MYH10: variants seen among roughly 807,000 people sequenced by gnomAD.
MYH10 encodes the protein myosin heavy chain 10.
Under a neutral mutation model 257.8 loss-of-function variants are expected in MYH10, and 55 were observed. That is an observed-to-expected ratio of 0.21 (90% CI 0.17 to 0.27). The LOEUF is 0.27. MYH10 is among the 10% of genes least tolerant of loss of function. The probability of loss-of-function intolerance (pLI) is 1.00; values close to 1 mark genes in which losing one functional copy is unlikely to be tolerated. For synonymous variants in MYH10, 854 were observed against 921.7 expected, an observed-to-expected ratio of 0.93 and a Z score of 1.33; for missense variants, 1,631 against 2,500.6, an observed-to-expected ratio of 0.65 and a Z score of 7.42.
At chr17:8,479,993 G>C in intron 40 of MYH10, 117 bp downstream of exon 40, 1 of 949,924 alleles carries the variant, frequency 1.1e-6, no homozygotes, top group Non-Finnish European at 1.6e-6. Flanking sequence ...GTCCCACTCT[G>C]GTTATATGTG....
At chr17:8,608,755 C>G (rs940430128) in intron 2 of MYH10, among the ~76,000 whole-genome samples, 1 of 152,214 alleles carries the variant, frequency 6.6e-6, no homozygotes, top group Non-Finnish European at 1.5e-5. Context: ...CAGGCTCCCA[C>G]CTATGCTGAC....
At position 8,513,607 on chromosome 17, in the gene MYH10, C is replaced by T. The variant is rs2081368127; in HGVS notation, c.2676G>A (p.Leu892=). The T allele has an allele frequency of 1.2e-6, 2 of 1,614,188 alleles. No homozygotes were observed. Among genetic ancestry groups the T allele is most frequent in the African/African-American group, 1.3e-5 (1 of 75,058 alleles). ...EEELQAKDEE[L]LKVKEKQTKV... Reference sequence around the variant, plus strand: ...TCGTCTGCTTCTCCTTCACCTTCAACAGCTCTTCATCTTTGGCCTGAAGTT... The same window carrying T: ...TCGTCTGCTTCTCCTTCACCTTCAATAGCTCTTCATCTTTGGCCTGAAGTT... The change falls in exon 23 of 43, where the codon CTG becomes CTA. Residue 892 remains leucine, a synonymous_variant. Transcript: ENST00000360416.
intron 4 of MYH10, among the ~76,000 whole-genome samples, chr17:8,580,739 CA>C (rs2083673893): frequency 6.6e-6 from 1 of 152,180 alleles, no homozygotes; most frequent in African/African-American, 2.4e-5. Context: ...TTTCAACAAA[CA>C]TTTGCAAATC....
At chr17:8,536,116 A>G (rs2082132117) in intron 14 of MYH10, among the ~76,000 whole-genome samples, 185 bp from the exon 15 acceptor site, 1 of 152,202 alleles carries the variant, frequency 6.6e-6, no homozygotes, top group Admixed American at 6.5e-5. Flanking sequence ...TCAAACTGCT[A>G]AATAAGTACT....
At position 8,481,670 on chromosome 17, in the gene MYH10, G is replaced by A. The variant is rs557560268; in HGVS notation, c.5176-260C>T. Among the ~76,000 whole-genome samples, 198 of 152,338 alleles carry A rather than the reference G, an allele frequency of 1.3e-3. 2 individuals are homozygous for A. Among genetic ancestry groups the A allele is most frequent in the African/African-American group, 4.2e-3 (175 of 41,578 alleles). ...TAAGGGCTTTGCTGTCACCTCCAACGTAAGAGGTGGCTATGTTCCTGCCCT... is the reference window on the plus strand; with the variant it reads ...TAAGGGCTTTGCTGTCACCTCCAACATAAGAGGTGGCTATGTTCCTGCCCT... On this transcript the variant is annotated intron_variant, in intron 37 of 42. Transcript: ENST00000360416.
At chr17:8,546,737 G>A in intron 11 of MYH10, 75 bp from the exon 12 acceptor site, 4 of 1,052,704 alleles carry the variant, frequency 3.8e-6, no homozygotes, top group East Asian at 2.5e-5. Flanking sequence ...ATAAACACTG[G>A]AAAAACCTTA....
intron 27 of MYH10, 95 bp from the exon 28 acceptor site, chr17:8,505,001 G>A: frequency 9.9e-7 from 1 of 1,009,636 alleles, no homozygotes; most frequent in East Asian, 2.4e-5. Context: ...CTCTCCACGA[G>A]ACCCCAGCCC....
At chr17:8,620,712 C>CTCCCCA (rs1280460051) in intron 2 of MYH10, among the ~76,000 whole-genome samples, 1 of 152,180 alleles carries the variant, frequency 6.6e-6, no homozygotes, top group African/African-American at 2.4e-5. Context: ...TAGCATGGCT[C>CTCCCCA]TCCCCATCCC....
At chr17:8,550,658 G>C (rs1445041282) in intron 9 of MYH10, among the ~76,000 whole-genome samples, 3 of 152,186 alleles carry the variant, frequency 2.0e-5, no homozygotes, top group East Asian at 1.9e-4. Context: ...AGCTCATTGA[G>C]AGCGGGCCAG....
intron 6 of MYH10, among the ~76,000 whole-genome samples, chr17:8,574,376 G>C (rs984766675): frequency 2.0e-4 from 31 of 152,338 alleles, no homozygotes; most frequent in African/African-American, 7.5e-4. Flanking sequence ...CAGGGGCTGA[G>C]GGGAAATGGC....
chr17:8,561,752 C>T (rs2083003207), intron 7 of MYH10, among the ~76,000 whole-genome samples: 1 of 151,890 alleles, frequency 6.6e-6, no homozygotes, highest in Non-Finnish European at 1.5e-5. Flanking sequence ...GCAAAGTCAC[C>T]AACATGCAAC....
At chr17:8,586,509 C>T (rs946671628) in intron 4 of MYH10, among the ~76,000 whole-genome samples, 3 of 151,924 alleles carry the variant, frequency 2.0e-5, no homozygotes, top group Admixed American at 2.0e-4. Flanking sequence ...TGCTTTATGT[C>T]TGAAAATATT....
rs544590386 is a variant in MYH10 at position 8,529,226 on chromosome 17, C to G, written c.1957+1397G>C. On this transcript the variant is annotated intron_variant, in intron 17 of 42. Coordinates refer to ENST00000360416, the MANE Select transcript of MYH10 (RefSeq NM_001256012.3). The stretch of plus-strand genomic sequence containing the variant: ...GAAAATGGGTGTGGGGTCGCCACCC[C>G]CTATCCATCCATCAGCTCTCTCTCA... Among the ~76,000 whole-genome samples, 19 of 152,270 alleles carry G rather than the reference C, an allele frequency of 1.2e-4. No homozygotes were observed. The East Asian group carries it at 3.5e-3, about 28-fold the overall frequency.
intron 7 of MYH10, among the ~76,000 whole-genome samples, chr17:8,559,984 C>G (rs1418344459): frequency 6.6e-6 from 1 of 152,192 alleles, no homozygotes; most frequent in Non-Finnish European, 1.5e-5. Flanking sequence ...CAAATGCGTT[C>G]TCAAACTTCT....
rs879108509 is a variant in MYH10, at chr17:8,484,017, A to G, written c.5175+121T>C. On this transcript the variant is annotated intron_variant, in intron 37 of 42. Transcript: ENST00000360416. Reference sequence around the variant, plus strand: ...ATTAAAAATGGATACTTAAAAAAATAAAAAACAAAAATGTATACTGACATT... The same window carrying G: ...ATTAAAAATGGATACTTAAAAAAATGAAAAACAAAAATGTATACTGACATT... The G allele has an allele frequency of 4.1e-6, 4 of 986,554 alleles. No individual in the cohort carries two copies. The African/African-American group carries it at 5.1e-5, about 13-fold the overall frequency. 61.1% of individuals were successfully genotyped at this position (986,554 alleles called of 1,614,324 possible).
At chr17:8,611,711 A>T (rs1413274153) in intron 2 of MYH10, among the ~76,000 whole-genome samples, 1 of 152,224 alleles carries the variant, frequency 6.6e-6, no homozygotes, top group Non-Finnish European at 1.5e-5. Context: ...AGAGTGATCC[A>T]TGGGGGAAAA....
intron 1 of MYH10, among the ~76,000 whole-genome samples, chr17:8,629,042 C>T (rs774871580): frequency 4.4e-4 from 67 of 152,098 alleles, no homozygotes; most frequent in Non-Finnish European, 7.6e-4. Flanking sequence ...AAAATGGCCA[C>T]TTTTCCAGAA....
chr17:8,539,946 G>A (rs987041835), intron 14 of MYH10, among the ~76,000 whole-genome samples: 5 of 152,092 alleles, frequency 3.3e-5, no homozygotes, highest in Non-Finnish European at 7.4e-5. Context: ...ATAAGGCCTG[G>A]AAAATAATTA....
chr17:8,502,941 T>G (rs985087225), intron 28 of MYH10, among the ~76,000 whole-genome samples: 6 of 152,138 alleles, frequency 3.9e-5, no homozygotes, highest in African/African-American at 1.4e-4. Context: ...AGCAGATATG[T>G]CAAAGAGAAG....
Sources: allele counts gnomAD v4.1 joint callset (sites outside exome capture counted in the v4.1 genomes callset), GRCh38; gene constraint gnomAD v4.1.1; transcripts MANE v1.5; gene names NCBI Gene and HGNC (gene_info 2026-07-23, HGNC 2026-07-21).